SVIL: variants seen among roughly 807,000 people sequenced by gnomAD.
The protein encoded by SVIL is archvillin.
In SVIL, 101 loss-of-function variants were observed where a neutral mutation model predicts 240.4. The observed-to-expected ratio is 0.42, with a 90% CI of 0.36 to 0.50. The LOEUF (loss-of-function observed/expected upper bound fraction) is 0.50. Ranked by LOEUF, SVIL falls within the 20% of genes least tolerant of loss-of-function variation. The probability of loss-of-function intolerance (pLI) is 0.01; values close to 1 mark genes in which losing one functional copy is unlikely to be tolerated. For synonymous variants in SVIL, 999 were observed against 1,100.0 expected (o/e 0.91, Z 1.82); for missense variants, 2,512 against 2,818.7 (o/e 0.89, Z 2.46).
chr10:29,463,695 A>T, intron 34 of SVIL, 60 bp from the exon 35 acceptor site: 1 of 1,556,466 alleles, frequency 6.4e-7, no homozygotes. Flanking sequence ...CTTCTAGCTC[A>T]CTCCTCCCCC....
At chr10:29,465,492 T>C in intron 34 of SVIL, 103 bp downstream of exon 34, 1 of 1,418,390 alleles carries the variant, frequency 7.1e-7, no homozygotes, top group African/African-American at 1.4e-5. Flanking sequence ...GGGAATGTAC[T>C]TGGCAAACAG....
intron 1 of SVIL, among the ~76,000 whole-genome samples, chr10:29,580,262 C>G (rs960419563): frequency 6.6e-6 from 1 of 152,040 alleles, no homozygotes; most frequent in Non-Finnish European, 1.5e-5. Flanking sequence ...GTGGGAGGAG[C>G]GTTTGAACCC....
intron 20 of SVIL, among the ~76,000 whole-genome samples, chr10:29,493,751 C>T (rs1337280173): frequency 6.6e-6 from 1 of 152,180 alleles, no homozygotes; most frequent in African/African-American, 2.4e-5. Flanking sequence ...AGCCAGTAAA[C>T]ATTTTAGGCT....
In SVIL at chr10:29,484,302, TC is replaced by T. The variant is rs1947180103; in HGVS notation, c.4955+353del. 2.0e-5 allele frequency among the ~76,000 whole-genome samples: 3 copies of T among 152,148 alleles called. No homozygotes were observed. Among genetic ancestry groups the T allele is most frequent in the Admixed American group, 2.0e-4 (3 of 15,278 alleles). ...TGCACTTTCAGATCAATGGCTGAAT[TC>T]CAGACCCGGGGAAGCCTTTCAGATC... is the stretch of plus-strand genomic sequence containing the variant. On this transcript the variant is annotated intron_variant, in intron 27 of 37. Transcript: ENST00000355867. This position sits in a 1 kb window ranked among gnomAD's most constrained non-coding sequence, Gnocchi z 4.7.
At chr10:29,528,509 T>G (rs560665104) in intron 12 of SVIL, among the ~76,000 whole-genome samples, 12 of 151,378 alleles carry the variant, frequency 7.9e-5, no homozygotes, top group African/African-American at 2.4e-4. Context: ...GAGGCTGAGG[T>G]GGGAGGATCG....
At chr10:29,569,027 A>G (rs996197744) in intron 2 of SVIL, among the ~76,000 whole-genome samples, 2 of 152,272 alleles carry the variant, frequency 1.3e-5, no homozygotes, top group Non-Finnish European at 2.9e-5. Context: ...ATAGTCCTTT[A>G]AAAGTTTGCA....
In SVIL at chr10:29,522,444, C is replaced by G. The variant is rs1447750296; in HGVS notation, c.3355G>C (p.Asp1119His). ...IKTPTGEGLLDSPSKTMSIKE... is the reference protein window; with the variant it reads ...IKTPTGEGLLHSPSKTMSIKE... ...ATAGACATGGTTTTGCTGGGTGAGT[C>G]AAGAAGGCCCTCCCCTGTCGGCGTT... The change falls in exon 16 of 38, where the codon GAC becomes CAC. Residue 1119 changes from aspartate to histidine, a missense_variant. Around this residue, in one of 3 missense-constraint regions of SVIL, gnomAD observed 1,443 missense variants for 1,486.6 expected, o/e 0.97. Transcript: ENST00000355867. The G allele has an allele frequency of 6.2e-7, 1 of 1,614,156 alleles. No individual in the cohort carries two copies. The highest frequency in any genetic ancestry group is 2.2e-5 in the East Asian group (1 of 44,882).
chr10:29,481,456 C>T, intron 28 of SVIL, 128 bp downstream of exon 28: 1 of 1,251,548 alleles, frequency 8.0e-7, no homozygotes, highest in Non-Finnish European at 1.1e-6. Flanking sequence ...AATGTTCTCA[C>T]CACAAAGAAA....
intron 1 of SVIL, among the ~76,000 whole-genome samples, chr10:29,584,074 A>C (rs1164542137): frequency 6.6e-6 from 1 of 152,194 alleles, no homozygotes; most frequent in Non-Finnish European, 1.5e-5. Flanking sequence ...GTGACGAAGG[A>C]AGGCTTCCTG....
chr10:29,704,035 T>A (rs1279125305), intron 1 of SVIL, among the ~76,000 whole-genome samples: 1 of 152,156 alleles, frequency 6.6e-6, no homozygotes, highest in African/African-American at 2.4e-5. Flanking sequence ...ATTCCGGGCA[T>A]CAAATAATTC....
intron 2 of SVIL, among the ~76,000 whole-genome samples, chr10:29,667,210 TC>T (rs1959374608): frequency 6.6e-6 from 1 of 152,196 alleles, no homozygotes; most frequent in Non-Finnish European, 1.5e-5. Flanking sequence ...GGTGTTTTAT[TC>T]ATAATCACTA....
rs1406062352 is a variant in SVIL at position 29,550,843 on chromosome 10, G to A, written c.581C>T (p.Ser194Phe). 7 of 1,614,132 alleles carry A rather than the reference G, an allele frequency of 4.3e-6. No homozygotes were observed. The highest frequency in any genetic ancestry group is 2.7e-5 in the African/African-American group (2 of 75,042). The stretch of plus-strand genomic sequence containing the variant: ...TATGTTCAGCAGCACCTCCGGGTCG[G>A]AAGAGCCGTCACCCACATGGAGGGC... ...DYALHVGDGS[S>F]DPEVLLNIEN... is the part of the protein sequence containing the mutation. The change falls in exon 6 of 38, where the codon TCC (serine) becomes TTC (phenylalanine). Residue 194 changes from serine (S) to phenylalanine (F), a missense_variant. Ser to Phe is a radical substitution (Grantham distance 155, BLOSUM62 -2). Around this residue, in one of 3 missense-constraint regions of SVIL, gnomAD observed 1,443 missense variants for 1,486.6 expected, o/e 0.97. Transcript: ENST00000355867.
At chr10:29,463,354 G>A in intron 35 of SVIL, 138 bp downstream of exon 35, 1 of 1,207,666 alleles carries the variant, frequency 8.3e-7, no homozygotes, top group South Asian at 1.8e-5. Context: ...GAAAAAATTG[G>A]TTTCATCACC....
rs1246973217 is a variant in SVIL, at chr10:29,569,360, T to TA, written c.-200-49dup. The TA allele has an allele frequency of 7.5e-6, 7 of 932,546 alleles. No homozygotes were observed. In the East Asian group the frequency reaches 8.2e-4, roughly 109 times the overall value. The allele number at this position is 932,546 out of a possible 1,614,324, so 57.8% of individuals were successfully genotyped here. A position where few individuals can be genotyped will look rare whatever the true frequency, so the allele number is the denominator to read the frequency against. ...ACATTGAAATAGTTATGCAAATTGT[T>TA]AAAAATCCGGTGAGAAAAAACTCTC... On this transcript the variant is annotated intron_variant, in intron 1 of 37. Transcript: ENST00000355867.
At chr10:29,720,668 G>C (rs947986946) in intron 1 of SVIL, among the ~76,000 whole-genome samples, 3 of 152,174 alleles carry the variant, frequency 2.0e-5, no homozygotes, top group African/African-American at 7.2e-5. Flanking sequence ...TAAAAGAGAA[G>C]TGACTTCTCA....
At chr10:29,702,032 G>A (rs188935719) in intron 1 of SVIL, among the ~76,000 whole-genome samples, 1 of 151,820 alleles carries the variant, frequency 6.6e-6, no homozygotes, top group East Asian at 1.9e-4. Flanking sequence ...AAAATTAGCC[G>A]GGCGTGGTGG....
At chr10:29,615,291 A>G (rs1437894727) in intron 1 of SVIL, among the ~76,000 whole-genome samples, 1 of 152,246 alleles carries the variant, frequency 6.6e-6, no homozygotes, top group South Asian at 2.1e-4. Flanking sequence ...CTTGTTTCTT[A>G]GCCTTTTAAA....
intron 2 of SVIL, 135 bp downstream of exon 2, chr10:29,569,120 T>G: frequency 1.0e-5 from 3 of 291,296 alleles, no homozygotes; most frequent in Non-Finnish European, 1.5e-5. Flanking sequence ...CTTCATACAT[T>G]TTAATAAATC....
At chr10:29,572,386 T>C (rs1955466516) in intron 1 of SVIL, among the ~76,000 whole-genome samples, 1 of 151,892 alleles carries the variant, frequency 6.6e-6, no homozygotes, top group African/African-American at 2.4e-5. Context: ...GGTAAGGTCA[T>C]AGATAATTAG....
Sources: allele counts gnomAD v4.1 joint callset (sites outside exome capture counted in the v4.1 genomes callset), GRCh38; gene constraint gnomAD v4.1.1; regional missense constraint gnomAD v4.1.1; non-coding constraint Gnocchi (gnomAD v3.1); transcripts MANE v1.5; gene names NCBI Gene and HGNC (gene_info 2026-07-23, HGNC 2026-07-21).